NFIX: variants seen among roughly 807,000 people sequenced by gnomAD.
The protein encoded by NFIX is nuclear factor 1 X-type.
NFIX carries 2 observed loss-of-function variants against 53.3 expected under a neutral mutation model. The observed-to-expected ratio is 0.04, with a 90% CI of 0.02 to 0.12. The LOEUF is 0.12. Among genes scored for constraint, NFIX ranks in the 10% least tolerant of loss-of-function variants. The pLI, the probability that NFIX is intolerant of heterozygous loss-of-function variation, is 1.00. For missense variants in NFIX, 310 were observed against 674.5 expected (o/e 0.46, Z 5.99); for synonymous variants, 244 against 289.0 (o/e 0.84, Z 1.58).
chr19:13,057,485 C>T (rs953770134), intron 2 of NFIX, among the ~76,000 whole-genome samples: 7 of 152,178 alleles, frequency 4.6e-5, no homozygotes, highest in Non-Finnish European at 1.0e-4. Flanking sequence ...ACTCGGCTTT[C>T]GCTCCCACCA....
intron 2 of NFIX, among the ~76,000 whole-genome samples, chr19:13,034,635 A>G (rs1771203428): frequency 2.0e-5 from 3 of 152,218 alleles, no homozygotes; most frequent in Admixed American, 2.0e-4. Flanking sequence ...TTTGAAATAA[A>G]AATGAATGTA....
intron 7 of NFIX, among the ~76,000 whole-genome samples, chr19:13,080,727 G>A (rs935948277): frequency 1.4e-4 from 22 of 152,072 alleles, no homozygotes; most frequent in South Asian, 2.1e-4. Flanking sequence ...CTGGCTGGGC[G>A]CGGTGTCTCA....
At chr19:13,059,282 AG>A (rs1019297001) in intron 2 of NFIX, among the ~76,000 whole-genome samples, 1 of 152,236 alleles carries the variant, frequency 6.6e-6, no homozygotes, top group Non-Finnish European at 1.5e-5. Flanking sequence ...CCCTGTGGGC[AG>A]GTGGCTGGGT....
rs1472642296 is a variant in NFIX, at chr19:13,095,550, C to T, written c.*901C>T. 1 of 152,474 alleles carries T rather than the reference C, an allele frequency of 6.6e-6. No individual in the cohort carries two copies. The highest frequency in any genetic ancestry group is 2.1e-4 in the South Asian group (1 of 4,834). 9.4% of individuals were successfully genotyped at this position (152,474 alleles called of 1,614,324 possible). On this transcript the variant is annotated 3_prime_UTR_variant, in exon 11 of 11. Coordinates refer to ENST00000592199, the MANE Select transcript of NFIX (RefSeq NM_001365902.3). ...GAGGGGAGTCGGGCCCCAGGTCGCC[C>T]CCGCCCCCAGCCCTGCATGCAGGTG...
In NFIX at chr19:13,094,583, T is replaced by A; in HGVS notation, c.1495-52T>A. 1 of 1,533,450 alleles carries A rather than the reference T, an allele frequency of 6.5e-7. No homozygotes were observed. The allele number at this position is 1,533,450 out of a possible 1,614,324, so 95.0% of individuals were successfully genotyped here. On this transcript the variant is annotated intron_variant, in intron 10 of 10. Coordinates refer to ENST00000592199, the MANE Select transcript of NFIX (RefSeq NM_001365902.3). The surrounding 1 kb of genome is among the most constrained non-coding windows in gnomAD (Gnocchi z 4.3). Reference sequence around the variant, plus strand: ...GTCACTGGGCCAGGTAGGAGTGAGATGGGACCTGCCCCAGCTGTTCTCAGT... The same window carrying A: ...GTCACTGGGCCAGGTAGGAGTGAGAAGGGACCTGCCCCAGCTGTTCTCAGT...
Position 12,998,949 on chromosome 19 carries a change from G to A in NFIX, c.27+3085G>A, listed in dbSNP as rs68175985. Among the ~76,000 whole-genome samples, 20,488 of 151,936 alleles carry A rather than the reference G, an allele frequency of 0.13. 1,573 individuals carry two copies. The highest frequency in any genetic ancestry group is 0.36 in the Middle Eastern group (105 of 294). On this transcript the variant is annotated intron_variant, in intron 1 of 10. Transcript: ENST00000592199. The surrounding 1 kb of genome is among the most constrained non-coding windows in gnomAD (Gnocchi z 4.4). The stretch of plus-strand genomic sequence containing the variant: ...ACACATAAACACTCACAAACCCCTC[G>A]AGATGATACAGATAGCGACGAAGGC...
At position 13,001,230 on chromosome 19, in the gene NFIX, G is replaced by A. The variant is rs1323680798; in HGVS notation, c.27+5366G>A. Among the ~76,000 whole-genome samples, 1 of 152,186 alleles carries A rather than the reference G, an allele frequency of 6.6e-6. No homozygotes were observed. The highest frequency in any genetic ancestry group is 2.4e-5 in the African/African-American group (1 of 41,442). ...GATCGGTGTGCATGTTAATCGGCATGTCAGGCCTCAGAGCCACCATTTTCC... is the reference window on the plus strand; with the variant it reads ...GATCGGTGTGCATGTTAATCGGCATATCAGGCCTCAGAGCCACCATTTTCC... On this transcript the variant is annotated intron_variant, in intron 1 of 10. Transcript: ENST00000592199. This position sits in a 1 kb window ranked among gnomAD's most constrained non-coding sequence, Gnocchi z 6.5.
intron 1 of NFIX, chr19:13,024,652 C>T (rs1476176105): frequency 6.5e-7 from 1 of 1,536,324 alleles, no homozygotes. Context: ...GTCATGGGCG[C>T]GACAGAGCCT....
rs978489527 is a variant in NFIX, at chr19:13,066,465, C to T, written c.560-6582C>T. ...TTTCTTCCTCTTTCCTGTCACTTAT[C>T]CCCTCTGCCATGTCCTCTTCCCCCA... On this transcript the variant is annotated intron_variant, in intron 2 of 10. Transcript: ENST00000592199. This position sits in a 1 kb window ranked among gnomAD's most constrained non-coding sequence, Gnocchi z 4.2. Among the ~76,000 whole-genome samples the T allele has an allele frequency of 2.0e-5, 3 of 151,724 alleles. No individual in the cohort carries two copies. The highest frequency in any genetic ancestry group is 7.3e-5 in the African/African-American group (3 of 41,334).
In NFIX at chr19:13,096,409, C is replaced by T. The variant is rs1039482988; in HGVS notation, c.*1760C>T. On this transcript the variant is annotated 3_prime_UTR_variant, in exon 11 of 11. Coordinates refer to ENST00000592199, the MANE Select transcript of NFIX (RefSeq NM_001365902.3). ...GGGGAGGAGGTCAGCGACCTGGGGC[C>T]GTAGCGGCAGGCGAACGGTGCCTGC... 1 of 152,206 alleles carries T rather than the reference C, an allele frequency of 6.6e-6. No homozygotes were observed. Among genetic ancestry groups the T allele is most frequent in the African/African-American group, 2.4e-5 (1 of 41,424 alleles). The allele number at this position is 152,206 out of a possible 1,614,324, so 9.4% of individuals were successfully genotyped here.
rs1356801444 is a variant in NFIX, at chr19:13,012,409, C to T, written c.28-12612C>T. 1 of 152,522 alleles carries T rather than the reference C, an allele frequency of 6.6e-6. No homozygotes were observed. Among genetic ancestry groups the T allele is most frequent in the East Asian group, 1.9e-4 (1 of 5,204 alleles). The allele number at this position is 152,522 out of a possible 1,614,324, so 9.4% of individuals were successfully genotyped here. On this transcript the variant is annotated intron_variant, in intron 1 of 10. Transcript: ENST00000592199. This position sits in a 1 kb window ranked among gnomAD's most constrained non-coding sequence, Gnocchi z 5.0. ...GCCCCTCGCTGCTCAAGCGCGGCTCCCTCTTGCCGGGGCGCGGCCTGCCCC... is the reference window on the plus strand; with the variant it reads ...GCCCCTCGCTGCTCAAGCGCGGCTCTCTCTTGCCGGGGCGCGGCCTGCCCC...
chr19:13,029,813 T>C (rs1036182857), intron 2 of NFIX, among the ~76,000 whole-genome samples: 9 of 152,216 alleles, frequency 5.9e-5, no homozygotes, highest in African/African-American at 2.2e-4. Context: ...TTCGGCACTC[T>C]AGTTTAGGGT....
intron 8 of NFIX, among the ~76,000 whole-genome samples, chr19:13,085,069 C>CAAA (rs555726363): frequency 3.6e-5 from 2 of 54,930 alleles, no homozygotes; most frequent in African/African-American, 6.3e-5. Flanking sequence ...GACTCCATCT[C>CAAA]AAAAAAAAAA....
At chr19:13,010,271 C>T (rs947551034) in intron 1 of NFIX, among the ~76,000 whole-genome samples, 3 of 152,214 alleles carry the variant, frequency 2.0e-5, no homozygotes, top group East Asian at 1.9e-4. Flanking sequence ...CGGCGGCCCT[C>T]GCGCACGTGG....
In NFIX at chr19:13,052,486, G is replaced by A. The variant is rs1299056730; in HGVS notation, c.560-20561G>A. Among the ~76,000 whole-genome samples the A allele has an allele frequency of 6.6e-6, 1 of 152,192 alleles. No homozygotes were observed. The highest frequency in any genetic ancestry group is 1.5e-5 in the Non-Finnish European group (1 of 68,030). ...AGGAGCTGCCAGGCAGGACCACCAT[G>A]AGTCACTGGGGGTCATGCCAGTGAG... On this transcript the variant is annotated intron_variant, in intron 2 of 10. Coordinates refer to ENST00000592199, the MANE Select transcript of NFIX (RefSeq NM_001365902.3). This position sits in a 1 kb window ranked among gnomAD's most constrained non-coding sequence, Gnocchi z 5.2.
rs1001554389 is a variant in NFIX, at chr19:12,998,992, C to T, written c.27+3128C>T. Among the ~76,000 whole-genome samples the T allele has an allele frequency of 6.6e-6, 1 of 152,062 alleles. No homozygotes were observed. Among genetic ancestry groups the T allele is most frequent in the Non-Finnish European group, 1.5e-5 (1 of 68,006 alleles). ...ACGAAGGCACATGGAGACCACGACA[C>T]CTCCCAGACTCATGGAGCCCTGAGC... On this transcript the variant is annotated intron_variant, in intron 1 of 10. Coordinates refer to ENST00000592199, the MANE Select transcript of NFIX (RefSeq NM_001365902.3). The surrounding 1 kb of genome is among the most constrained non-coding windows in gnomAD (Gnocchi z 4.4).
Position 13,049,907 on chromosome 19 carries a change from C to A in NFIX, c.560-23140C>A, listed in dbSNP as rs1337279715. Reference sequence around the variant, plus strand: ...GCACCCGGCCAGTTCCTTTTTAAGGCCAAATAATATTTAATTGTATGGCTG... The same window carrying A: ...GCACCCGGCCAGTTCCTTTTTAAGGACAAATAATATTTAATTGTATGGCTG... On this transcript the variant is annotated intron_variant, in intron 2 of 10. Transcript: ENST00000592199. The surrounding 1 kb of genome is among the most constrained non-coding windows in gnomAD (Gnocchi z 4.5). Among the ~76,000 whole-genome samples, 1 of 152,178 alleles carries A rather than the reference C, an allele frequency of 6.6e-6. No individual in the cohort carries two copies. Among genetic ancestry groups the A allele is most frequent in the Non-Finnish European group, 1.5e-5 (1 of 68,040 alleles).
At chr19:13,015,321 G>T (rs530815549) in intron 1 of NFIX, among the ~76,000 whole-genome samples, 1 of 152,148 alleles carries the variant, frequency 6.6e-6, no homozygotes, top group South Asian at 2.1e-4. Context: ...TGAAAGTGAG[G>T]GGGGAACCAG....
chr19:13,008,015 G>GCT (rs2012122843), intron 1 of NFIX, among the ~76,000 whole-genome samples: 3 of 152,162 alleles, frequency 2.0e-5, no homozygotes, highest in Non-Finnish European at 4.4e-5. Flanking sequence ...TACAGCTGCA[G>GCT]GACAGCCTTG....
Sources: gnomAD v4.1 joint callset for allele counts (sites outside exome capture counted in the v4.1 genomes callset) on GRCh38, gnomAD v4.1.1 for gene constraint, Gnocchi (gnomAD v3.1) non-coding constraint, MANE v1.5 for transcripts, NCBI Gene and HGNC (gene_info 2026-07-23, HGNC 2026-07-21) for gene names.